Variants in VPS26A observed in about 807,000 individuals in gnomAD.
VPS26A encodes vacuolar protein sorting-associated protein 26A.
A neutral mutation model predicts 42.4 loss-of-function variants in VPS26A; 22 were observed. The ratio of observed to expected loss-of-function variants is 0.52; its 90% confidence interval spans 0.37 to 0.74. The LOEUF (loss-of-function observed/expected upper bound fraction) is 0.74. VPS26A is among the 30% of genes least tolerant of loss of function. VPS26A has a pLI of 0.00. For missense variants in VPS26A, 276 were observed against 379.2 expected (o/e 0.73, Z 2.26); for synonymous variants, 110 against 123.5 (o/e 0.89, Z 0.73).
intron 8 of VPS26A, 82 bp downstream of exon 8, chr10:69,168,713 C>G (rs943383540): frequency 1.3e-6 from 2 of 1,510,826 alleles, no homozygotes; most frequent in Admixed American, 2.2e-5. Flanking sequence ...CTTCACTGTA[C>G]TGAGCGAGTG....
intron 4 of VPS26A, among the ~76,000 whole-genome samples, chr10:69,157,706 C>T (rs1564683900): frequency 6.6e-6 from 1 of 152,152 alleles, no homozygotes; most frequent in East Asian, 1.9e-4. Flanking sequence ...CTCTGTTTAA[C>T]TTGGCATTAT....
intron 5 of VPS26A, among the ~76,000 whole-genome samples, chr10:69,159,182 A>G (rs894360278): frequency 6.6e-6 from 1 of 152,110 alleles, no homozygotes; most frequent in African/African-American, 2.4e-5. Context: ...GGAGTTTGAG[A>G]CCAGCATGGT....
chr10:69,137,862 G>GATATATATATAT (rs745881334), intron 2 of VPS26A, among the ~76,000 whole-genome samples: 11 of 144,874 alleles, frequency 7.6e-5, no homozygotes, highest in African/African-American at 2.7e-4. Context: ...GCTGTATTGA[G>GATATATATATAT]ATATATATAT....
chr10:69,163,980 G>A (rs1433260910), intron 6 of VPS26A, among the ~76,000 whole-genome samples: 6 of 150,740 alleles, frequency 4.0e-5, no homozygotes, highest in Non-Finnish European at 4.4e-5. Context: ...TGTTAGCCAG[G>A]ATGGTCTCGA....
chr10:69,131,740 A>C (rs762930355), intron 1 of VPS26A, among the ~76,000 whole-genome samples: 3 of 152,192 alleles, frequency 2.0e-5, no homozygotes, highest in Non-Finnish European at 2.9e-5. Context: ...CTCAAAAAAA[A>C]AATCATTCTG....
At position 69,124,283 on chromosome 10, in the gene VPS26A, G is replaced by A; in HGVS notation, c.3+3G>A. 7.9e-7 allele frequency: 1 copy of A among 1,269,934 alleles called. No individual in the cohort carries two copies. Among genetic ancestry groups the A allele is most frequent in the Non-Finnish European group, 1.0e-6 (1 of 1,002,852 alleles). The allele number at this position is 1,269,934 out of a possible 1,614,324, so 78.7% of individuals were successfully genotyped here. ...ACGCGGCGGCGGCGTTGACAATGGT[G>A]AGTGCGCGGCGGCCAGCGCGCTCGC... On this transcript the variant is annotated splice_donor_region_variant and intron_variant, in intron 1 of 8. Coordinates refer to ENST00000263559, the MANE Select transcript of VPS26A (RefSeq NM_004896.5).
chr10:69,127,199 T>G (rs61868345), intron 1 of VPS26A, among the ~76,000 whole-genome samples: 110,887 of 146,962 alleles, frequency 0.75, 43,791 homozygotes, highest in Non-Finnish European at 0.89. Context: ...GCCCGCCTTG[T>G]CCTCCCAAAG....
At chr10:69,153,495 G>A (rs991082181) in intron 2 of VPS26A, among the ~76,000 whole-genome samples, 7 of 146,740 alleles carry the variant, frequency 4.8e-5, no homozygotes, top group African/African-American at 1.5e-4. Flanking sequence ...AGGCACACAC[G>A]CCCCAATACC....
chr10:69,165,189 A>G (rs1222564220), intron 6 of VPS26A, among the ~76,000 whole-genome samples: 5 of 152,074 alleles, frequency 3.3e-5, no homozygotes, highest in Non-Finnish European at 7.4e-5. Context: ...TGGCCTCTCA[A>G]AGTGCTGGGA....
chr10:69,171,015 A>G (rs1261149115), intron 8 of VPS26A, 141 bp from the exon 9 acceptor site: 6 of 663,866 alleles, frequency 9.0e-6, no homozygotes, highest in Admixed American at 3.1e-5. Flanking sequence ...GCTGGAAGAA[A>G]GTGGAAAAGA....
intron 1 of VPS26A, 144 bp downstream of exon 1, chr10:69,124,424 TG>T: frequency 1.0e-6 from 1 of 959,162 alleles, no homozygotes; most frequent in Non-Finnish European, 1.4e-6. Flanking sequence ...GGGCCACCCC[TG>T]GGTCTGGGAA....
At chr10:69,162,643 T>G (rs1841587085) in intron 6 of VPS26A, 131 bp downstream of exon 6, 1 of 499,166 alleles carries the variant, frequency 2.0e-6, no homozygotes, top group Non-Finnish European at 3.4e-6. Context: ...TTGCTGGCAG[T>G]AAGTTATTTA....
rs955350383 is a variant in VPS26A, at chr10:69,173,959, A to C, written c.*2690A>C. ...CAGTGAGCCGAGATCACACCAATGC[A>C]CTCCAGCCTGGCTAGAAGTTTGTAA... On this transcript the variant is annotated 3_prime_UTR_variant, in exon 9 of 9. Transcript: ENST00000263559. 6.6e-6 allele frequency among the ~76,000 whole-genome samples: 1 copy of C among 152,150 alleles called. No homozygotes were observed. The highest frequency in any genetic ancestry group is 6.5e-5 in the Admixed American group (1 of 15,268).
rs1456830993 is a variant in VPS26A, at chr10:69,155,866, A to T, written c.208A>T (p.Ile70Phe). 6.2e-7 allele frequency: 1 copy of T among 1,612,040 alleles called. No individual in the cohort carries two copies. Among genetic ancestry groups the T allele is most frequent in the Non-Finnish European group, 8.5e-7 (1 of 1,178,882 alleles). The part of the protein sequence containing the change: ...GKRLEHQGIR[I>F]EFVGQIELFN... ...GAGGCTAGAACACCAAGGAATTAGA[A>T]TTGAATTTGTAGGTCAAATTGGTGA... The change falls in exon 3 of 9, where the codon ATT becomes TTT. Residue 70 changes from isoleucine to phenylalanine, a missense_variant. Transcript: ENST00000263559.
At chr10:69,133,565 G>A in intron 2 of VPS26A, 1 of 1,289,510 alleles carries the variant, frequency 7.8e-7, no homozygotes, top group Non-Finnish European at 1.0e-6. Context: ...CTTTTGGGAT[G>A]TGTCTATGCA....
intron 2 of VPS26A, among the ~76,000 whole-genome samples, chr10:69,137,674 C>T (rs1337776594): frequency 2.6e-5 from 4 of 152,066 alleles, no homozygotes; most frequent in Admixed American, 2.6e-4. Context: ...TGATTAGTAA[C>T]CTGATCACAG....
chr10:69,143,292 G>A (rs191875243), intron 2 of VPS26A, among the ~76,000 whole-genome samples: 49 of 152,226 alleles, frequency 3.2e-4, no homozygotes, highest in Admixed American at 2.4e-3. Context: ...TAATTTCCTG[G>A]ATCTCACCTA....
intron 2 of VPS26A, among the ~76,000 whole-genome samples, chr10:69,145,692 G>C (rs1205875829): frequency 6.7e-6 from 1 of 150,102 alleles, no homozygotes; most frequent in African/African-American, 2.4e-5. Context: ...ATTCTGTTCT[G>C]TTGGCCTATT....
chr10:69,131,726 C>A (rs1185020481), intron 1 of VPS26A, among the ~76,000 whole-genome samples: 1 of 150,634 alleles, frequency 6.6e-6, no homozygotes, highest in Non-Finnish European at 1.5e-5. Context: ...GAGCAAGACT[C>A]TGTCTCAAAA....
Sources: gnomAD v4.1 joint callset for allele counts (sites outside exome capture counted in the v4.1 genomes callset) on GRCh38, gnomAD v4.1.1 for gene constraint, MANE v1.5 for transcripts, NCBI Gene and HGNC (gene_info 2026-07-23, HGNC 2026-07-21) for gene names.